Variants in DYNC1H1 observed in about 807,000 individuals in gnomAD.
DYNC1H1 encodes the protein dynein cytoplasmic 1 heavy chain 1.
DYNC1H1 carries 51 observed loss-of-function variants against 527.1 expected under a neutral mutation model. The observed-to-expected ratio is 0.10, with a 90% CI of 0.08 to 0.12. The LOEUF is 0.12. Ranked by LOEUF, DYNC1H1 falls within the 10% of genes least tolerant of loss-of-function variation. DYNC1H1 has a pLI of 1.00. For missense variants in DYNC1H1, 2,771 were observed against 5,971.8 expected, an observed-to-expected ratio of 0.46 and a Z score of 17.66; for synonymous variants, 2,189 against 2,278.8, an observed-to-expected ratio of 0.96 and a Z score of 1.12.
In DYNC1H1 at chr14:102,043,989, T is replaced by A; in HGVS notation, c.12628T>A (p.Ser4210Thr). 1 of 1,614,046 alleles carries A rather than the reference T, an allele frequency of 6.2e-7. No individual in the cohort carries two copies. Residue 4210 changes from serine (S) to threonine (T), a missense_variant, in exon 70 of 78, where the codon TCT (serine) becomes ACT (threonine). Ser to Thr is a moderately conservative substitution (Grantham distance 58). Around this residue, in one of 32 missense-constraint regions of DYNC1H1, gnomAD observed 195 missense variants for 428.6 expected, o/e 0.45. Coordinates refer to ENST00000360184, the MANE Select transcript of DYNC1H1 (RefSeq NM_001376.5). ...GTCAAAGAAGTATGAATTTGGAGAG[T>A]CTGACCTGCGGTCAGCTTGCGATAC... Reference protein sequence around the residue: ...GWSKKYEFGESDLRSACDTVD... With the variant: ...GWSKKYEFGETDLRSACDTVD...
chr14:102,038,544 G>A lies in DYNC1H1; in HGVS notation c.10993G>A (p.Gly3665Arg), dbSNP rs2152594732. 1 of 1,614,102 alleles carries A rather than the reference G, an allele frequency of 6.2e-7. No individual in the cohort carries two copies. Among genetic ancestry groups the A allele is most frequent in the Non-Finnish European group, 8.5e-7 (1 of 1,180,024 alleles). ...RTGGRVLITL[G>R]DQDIDLSPSF... ...AGGGGGGAGAGTGCTGATCACTCTC[G>A]GGGACCAGGACATAGACCTGTCGCC... Residue 3665 changes from glycine (G) to arginine (R), a missense_variant, in exon 58 of 78, where the codon GGG becomes AGG. Transcript: ENST00000360184. This position sits in a 1 kb window ranked among gnomAD's most constrained non-coding sequence, Gnocchi z 7.2.
rs144812873 is a variant in DYNC1H1 at position 102,011,290 on chromosome 14, C to A, written c.6618+338C>A. Reference sequence around the variant, plus strand: ...GAACAACCTGAATCGCTGATCAATACGTAGTTTACATTCTGTATTGGCTTC... The same window carrying A: ...GAACAACCTGAATCGCTGATCAATAAGTAGTTTACATTCTGTATTGGCTTC... On this transcript the variant is annotated intron_variant, in intron 32 of 77. Coordinates refer to ENST00000360184, the MANE Select transcript of DYNC1H1 (RefSeq NM_001376.5). The surrounding 1 kb of genome is among the most constrained non-coding windows in gnomAD (Gnocchi z 5.3). The A allele has an allele frequency of 2.6e-6, 1 of 390,524 alleles. No homozygotes were observed. Among genetic ancestry groups the A allele is most frequent in the Non-Finnish European group, 4.9e-6 (1 of 205,422 alleles). The allele number at this position is 390,524 out of a possible 1,614,324, so 24.2% of individuals were successfully genotyped here.
Position 101,996,883 on chromosome 14 carries a change from A to G in DYNC1H1, c.3565-152A>G, listed in dbSNP as rs949056153. 1.6e-5 allele frequency: 18 copies of G among 1,156,294 alleles called. No homozygotes were observed. In the African/African-American group the frequency reaches 2.6e-4, roughly 17 times the overall value. 71.6% of individuals were successfully genotyped at this position (1,156,294 alleles called of 1,614,324 possible). On this transcript the variant is annotated intron_variant, in intron 15 of 77. Transcript: ENST00000360184. ...AGTAATCCACCTGCCTCAGCCTCCC[A>G]AAGTGCTGGGATTACAGGCAAGAAC... is the stretch of plus-strand genomic sequence containing the variant.
At position 102,001,736 on chromosome 14, in the gene DYNC1H1, T is replaced by C. The variant is rs2048132953; in HGVS notation, c.4542+55T>C. The C allele has an allele frequency of 1.9e-6, 3 of 1,610,770 alleles. No homozygotes were observed. The highest frequency in any genetic ancestry group is 2.2e-5 in the East Asian group (1 of 44,874). Reference sequence around the variant, plus strand: ...CACCAGTGGTCTCCCACGCTTTCACTGTAATGCCTTTTCACTGACAGTTAC... The same window carrying C: ...CACCAGTGGTCTCCCACGCTTTCACCGTAATGCCTTTTCACTGACAGTTAC... On this transcript the variant is annotated intron_variant, in intron 21 of 77. Transcript: ENST00000360184. This position sits in a 1 kb window ranked among gnomAD's most constrained non-coding sequence, Gnocchi z 5.0.
rs758458056 is a variant in DYNC1H1, at chr14:102,054,564, CTTTTT to C, written c.*4019_*4023del. On this transcript the variant is annotated 3_prime_UTR_variant, in exon 78 of 78. Coordinates refer to ENST00000360184, the MANE Select transcript of DYNC1H1 (RefSeq NM_001376.5). ...CATCACCAACAGAGCCTTTGCAGAA[CTTTTT>C]TTTTTTTTTTTTTTTTTGAGACGGA... 5 of 113,822 alleles carry C rather than the reference CTTTTT, an allele frequency of 4.4e-5. No homozygotes were observed. Among genetic ancestry groups the C allele is most frequent in the African/African-American group, 1.2e-4 (3 of 25,992 alleles). The allele number at this position is 113,822 out of a possible 1,614,324, so 7.1% of individuals were successfully genotyped here. A position where few individuals can be genotyped will look rare whatever the true frequency, so the allele number is the denominator to read the frequency against.
rs1363225025 is a variant in DYNC1H1, at chr14:102,053,938, CA to C, written c.*3376del. 1 of 152,998 alleles carries C rather than the reference CA, an allele frequency of 6.5e-6. No individual in the cohort carries two copies. The highest frequency in any genetic ancestry group is 2.4e-5 in the African/African-American group (1 of 41,406). 9.5% of individuals were successfully genotyped at this position (152,998 alleles called of 1,614,324 possible). A position where few individuals can be genotyped will look rare whatever the true frequency, so the allele number is the denominator to read the frequency against. ...ATTTTTTGTAGAGATGGAGTTTCGC[CA>C]TGTTGCCCAGGATGGCCTTGAACTC... On this transcript the variant is annotated 3_prime_UTR_variant, in exon 78 of 78. Coordinates refer to ENST00000360184, the MANE Select transcript of DYNC1H1 (RefSeq NM_001376.5).
At chr14:101,966,344 A>G (rs1053387062) in intron 1 of DYNC1H1, among the ~76,000 whole-genome samples, 1 of 151,992 alleles carries the variant, frequency 6.6e-6, no homozygotes, top group Non-Finnish European at 1.5e-5. Flanking sequence ...TAGAGTATTA[A>G]TGTTTTTGAG....
intron 16 of DYNC1H1, among the ~76,000 whole-genome samples, chr14:101,999,381 A>G (rs1595607920): frequency 6.6e-6 from 1 of 151,768 alleles, no homozygotes; most frequent in Non-Finnish European, 1.5e-5. Context: ...GAACTCAAGC[A>G]GTCTCCCCGC....
Position 101,986,545 on chromosome 14 carries a change from C to G in DYNC1H1, c.2320C>G (p.Leu774Val). The G allele has an allele frequency of 6.2e-7, 1 of 1,614,150 alleles. No homozygotes were observed. The highest frequency in any genetic ancestry group is 8.5e-7 in the Non-Finnish European group (1 of 1,180,034). ...GAACAAAGCCCATCAAGCAAACCAG[C>G]TTTACCCGTTTGCCATCTCACTGAT... ...IVNKAHQANQLYPFAISLIES... is the reference protein window; with the variant it reads ...IVNKAHQANQVYPFAISLIES... Residue 774 changes from leucine (L) to valine (V), a missense_variant, in exon 8 of 78, where the codon CTT becomes GTT. Physicochemically the swap from Leu to Val is conservative, Grantham distance 32. Coordinates refer to ENST00000360184, the MANE Select transcript of DYNC1H1 (RefSeq NM_001376.5). This position sits in a 1 kb window ranked among gnomAD's most constrained non-coding sequence, Gnocchi z 8.7.
Position 102,050,634 on chromosome 14 carries a change from G to C in DYNC1H1, c.*71G>C. On this transcript the variant is annotated 3_prime_UTR_variant, in exon 78 of 78. Coordinates refer to ENST00000360184, the MANE Select transcript of DYNC1H1 (RefSeq NM_001376.5). ...ACATTTATTCATTTTTAAAATATTT[G>C]GAAGGTCTGAGCTTGTGAAAAGAAA... is the stretch of plus-strand genomic sequence containing the variant. 4 of 1,611,422 alleles carry C rather than the reference G, an allele frequency of 2.5e-6. No homozygotes were observed. The highest frequency in any genetic ancestry group is 3.4e-6 in the Non-Finnish European group (4 of 1,178,238).
Position 102,032,474 on chromosome 14 carries a change from A to G in DYNC1H1, c.10079+7A>G. On this transcript the variant is annotated splice_region_variant and intron_variant, in intron 52 of 77. Coordinates refer to ENST00000360184, the MANE Select transcript of DYNC1H1 (RefSeq NM_001376.5). ...TCTCTGCAGAGGAGATCAGGTGAGA[A>G]AGTGGAAGTGCCAAGGTATTGCCAG... is the stretch of plus-strand genomic sequence containing the variant. The G allele has an allele frequency of 6.2e-7, 1 of 1,614,122 alleles. No homozygotes were observed. Among genetic ancestry groups the G allele is most frequent in the South Asian group, 1.1e-5 (1 of 91,090 alleles).
Position 102,005,242 on chromosome 14 carries a change from T to C in DYNC1H1, c.5433+6T>C, listed in dbSNP as rs2048183852. ...GGCGGAAGCTAGAACACTTGGTTAG[T>C]CTCACACCTGACTCCTTCCTTACCA... On this transcript the variant is annotated splice_donor_region_variant and intron_variant, in intron 26 of 77. Coordinates refer to ENST00000360184, the MANE Select transcript of DYNC1H1 (RefSeq NM_001376.5). This position sits in a 1 kb window ranked among gnomAD's most constrained non-coding sequence, Gnocchi z 4.0. 6.2e-7 allele frequency: 1 copy of C among 1,614,018 alleles called. No homozygotes were observed. The highest frequency in any genetic ancestry group is 8.5e-7 in the Non-Finnish European group (1 of 1,180,052).
At chr14:102,008,134 G>A in intron 28 of DYNC1H1, 44 bp from the exon 29 acceptor site, 2 of 1,611,032 alleles carry the variant, frequency 1.2e-6, no homozygotes, top group Non-Finnish European at 8.5e-7. Flanking sequence ...GACAATTGAG[G>A]GCACAGCAGG....
intron 1 of DYNC1H1, among the ~76,000 whole-genome samples, chr14:101,966,234 T>C (rs1309564638): frequency 1.3e-5 from 2 of 152,214 alleles, no homozygotes; most frequent in Non-Finnish European, 2.9e-5. Flanking sequence ...TGCTTCCCTG[T>C]AGCCTTGGTT....
rs751816690 is a variant in DYNC1H1 at position 102,002,622 on chromosome 14, G to A, written c.4628G>A (p.Arg1543Gln). 1.2e-6 allele frequency: 2 copies of A among 1,614,142 alleles called. No individual in the cohort carries two copies. Among genetic ancestry groups the A allele is most frequent in the East Asian group, 2.2e-5 (1 of 44,886 alleles). Residue 1543 changes from arginine to glutamine, a missense_variant, in exon 22 of 78, where the codon CGG becomes CAG. Arg to Gln is a conservative substitution (Grantham distance 43, BLOSUM62 1). Around this residue, in one of 32 missense-constraint regions of DYNC1H1, gnomAD observed 51 missense variants for 189.2 expected, o/e 0.27. Coordinates refer to ENST00000360184, the MANE Select transcript of DYNC1H1 (RefSeq NM_001376.5). The surrounding 1 kb of genome is among the most constrained non-coding windows in gnomAD (Gnocchi z 4.4). The part of the protein sequence containing the change: ...LFDVWIDVQR[R>Q]WVYLEGIFTG... ...GATGTGTGGATTGATGTGCAGAGGC[G>A]GTGGGTCTACCTGGAAGGTATCTTC...
intron 72 of DYNC1H1, among the ~76,000 whole-genome samples, chr14:102,046,322 A>G (rs1009861275): frequency 6.6e-6 from 1 of 152,208 alleles, no homozygotes; most frequent in Admixed American, 6.5e-5. Context: ...TTCTTATGGG[A>G]AAAAGTCACG....
At chr14:102,026,126 T>C (rs960715306) in intron 43 of DYNC1H1, among the ~76,000 whole-genome samples, 3 of 146,552 alleles carry the variant, frequency 2.0e-5, no homozygotes, top group Non-Finnish European at 3.0e-5. Flanking sequence ...AAAAAAAAAA[T>C]AGGGCAGGCC....
Position 102,016,520 on chromosome 14 carries a change from A to T in DYNC1H1, c.7614+31A>T. ...CATGCAGCTACCACCCGTGTTTCTG[A>T]TTCTCGCCTTGTTGATTTAACTCAT... On this transcript the variant is annotated intron_variant, in intron 37 of 77. Transcript: ENST00000360184. This position sits in a 1 kb window ranked among gnomAD's most constrained non-coding sequence, Gnocchi z 7.3. 3 of 1,614,076 alleles carry T rather than the reference A, an allele frequency of 1.9e-6. No homozygotes were observed. Among genetic ancestry groups the T allele is most frequent in the Non-Finnish European group, 2.5e-6 (3 of 1,180,012 alleles).
Position 102,004,927 on chromosome 14 carries a change from A to G in DYNC1H1, c.5215A>G (p.Ile1739Val). 1.2e-6 allele frequency: 2 copies of G among 1,614,210 alleles called. No homozygotes were observed. The highest frequency in any genetic ancestry group is 2.2e-5 in the South Asian group (2 of 91,086). Residue 1739 changes from isoleucine (I) to valine (V), a missense_variant, in exon 25 of 78, where the codon ATC (isoleucine) becomes GTC (valine). Coordinates refer to ENST00000360184, the MANE Select transcript of DYNC1H1 (RefSeq NM_001376.5). The part of the protein sequence containing the change: ...KATSIDPNTY[I>V]TWIDKYQAQL... ...AACTTCAATTGACCCAAATACCTAC[A>G]TCACTTGGATTGATAAATACCAGGT...
Sources: allele counts gnomAD v4.1 joint callset (sites outside exome capture counted in the v4.1 genomes callset), GRCh38; gene constraint gnomAD v4.1.1; regional missense constraint gnomAD v4.1.1; non-coding constraint Gnocchi (gnomAD v3.1); transcripts MANE v1.5; gene names NCBI Gene and HGNC (gene_info 2026-07-23, HGNC 2026-07-21).